APOO: variants seen among roughly 807,000 people sequenced by gnomAD.
APOO encodes the protein apolipoprotein O.
A neutral mutation model predicts 23.1 loss-of-function variants in APOO; 11 were observed. That is an observed-to-expected ratio of 0.48 (90% CI 0.30 to 0.79). The LOEUF (loss-of-function observed/expected upper bound fraction) is 0.79, where lower values mean the gene tolerates loss of function less well. APOO is among the 30% of genes least tolerant of loss of function. The pLI is 0.07. For synonymous variants in APOO, 59 were observed against 54.8 expected (o/e 1.08, Z -0.34); for missense variants, 160 against 142.7 (o/e 1.12, Z -0.62).
At chrX:23,835,090 T>C (rs1488243858) in intron 8 of APOO, among the ~76,000 whole-genome samples, 2 of 104,489 alleles carry the variant, frequency 1.9e-5, no homozygotes, top group African/African-American at 7.1e-5. Flanking sequence ...AGACGGAGTT[T>C]CACTCTTGTT....
At chrX:23,904,260 G>A (rs1364512809) in intron 1 of APOO, among the ~76,000 whole-genome samples, 4 of 111,025 alleles carry the variant, frequency 3.6e-5, no homozygotes. Context: ...ACCCTGGGTT[G>A]ATCCTGTTTA....
chrX:23,853,941 T>C (rs1924665937), intron 7 of APOO, among the ~76,000 whole-genome samples: 1 of 111,128 alleles, frequency 9.0e-6, no homozygotes, highest in South Asian at 3.7e-4. Flanking sequence ...GGCCCTGATT[T>C]TATTACCTTC....
intron 1 of APOO, among the ~76,000 whole-genome samples, chrX:23,895,972 T>C: frequency 9.2e-6 from 1 of 108,464 alleles, no homozygotes; most frequent in Non-Finnish European, 1.9e-5. Context: ...CAGAACGGAG[T>C]CTAAAAAGAT....
At chrX:23,869,197 CTG>C (rs1925487647) in intron 4 of APOO, among the ~76,000 whole-genome samples, 1 of 110,679 alleles carries the variant, frequency 9.0e-6, no homozygotes, top group East Asian at 2.8e-4. Flanking sequence ...GTGTGAGCCA[CTG>C]CGCCCGGCTG....
Position 23,880,924 on chromosome X carries a change from C to G in APOO, c.38G>C (p.Ser13Thr). 1 of 1,188,105 alleles carries G rather than the reference C, an allele frequency of 8.4e-7. No homozygotes were observed. Among genetic ancestry groups the G allele is most frequent in the Non-Finnish European group, 1.1e-6 (1 of 885,206 alleles). ...GACTTTGAAGGTGAGCAAGCTCAGG[C>G]TGGCTGGCCCCACGGACCTCTGAAT... is the stretch of plus-strand genomic sequence containing the variant. ...KVIQRSVGPA[S>T]LSLLTFKVYA... Residue 13 changes from serine to threonine, a missense_variant, in exon 2 of 9, where the codon AGC (serine) becomes ACC (threonine). Transcript: ENST00000379226.
intron 1 of APOO, among the ~76,000 whole-genome samples, chrX:23,891,201 A>G: frequency 9.1e-6 from 1 of 110,364 alleles, no homozygotes; most frequent in African/African-American, 3.3e-5. Context: ...TTCTCACTCC[A>G]GGGCAATTTC....
intron 1 of APOO, among the ~76,000 whole-genome samples, chrX:23,900,022 T>C (rs1330772213): frequency 2.7e-5 from 3 of 112,553 alleles, no homozygotes; most frequent in Non-Finnish European, 5.6e-5. Context: ...GTTTTACTTC[T>C]TCTTTCTCCT....
chrX:23,903,232 G>T (rs1457767483), intron 1 of APOO, among the ~76,000 whole-genome samples: 1 of 110,829 alleles, frequency 9.0e-6, no homozygotes, highest in African/African-American at 3.3e-5. Flanking sequence ...AGCTGGGCAT[G>T]GTGGCGCGCA....
intron 1 of APOO, among the ~76,000 whole-genome samples, chrX:23,881,421 G>A (rs1332108631): frequency 1.9e-5 from 2 of 107,003 alleles, no homozygotes; most frequent in Non-Finnish European, 3.8e-5. Flanking sequence ...GGTGGTGTGT[G>A]CCTGTAGTCC....
intron 7 of APOO, among the ~76,000 whole-genome samples, chrX:23,854,996 G>A (rs930032508): frequency 9.2e-6 from 1 of 109,044 alleles, no homozygotes; most frequent in Admixed American, 9.9e-5. Flanking sequence ...AATTCCTTTA[G>A]AAACCACCAG....
intron 4 of APOO, among the ~76,000 whole-genome samples, chrX:23,869,179 G>T (rs1925486506): frequency 9.0e-6 from 1 of 110,661 alleles, no homozygotes; most frequent in Non-Finnish European, 1.9e-5. Flanking sequence ...AAAGTGCTGG[G>T]ATTACAGGTG....
At chrX:23,905,820 A>T (rs1213342250) in intron 1 of APOO, among the ~76,000 whole-genome samples, 1 of 112,722 alleles carries the variant, frequency 8.9e-6, no homozygotes, top group African/African-American at 3.2e-5. Context: ...ATAGTTCTGA[A>T]GTAGTAATGA....
intron 2 of APOO, among the ~76,000 whole-genome samples, chrX:23,879,271 A>G (rs1926003299): frequency 9.0e-6 from 1 of 111,244 alleles, no homozygotes; most frequent in Admixed American, 9.6e-5. Flanking sequence ...CCCAGTCTCT[A>G]CTAAAAATAC....
chrX:23,847,085 A>C (rs1464343366), intron 7 of APOO, among the ~76,000 whole-genome samples: 1 of 111,563 alleles, frequency 9.0e-6, no homozygotes, highest in Non-Finnish European at 1.9e-5. Flanking sequence ...CTGTGAAAAG[A>C]TGCTCAATCA....
intron 4 of APOO, among the ~76,000 whole-genome samples, chrX:23,873,270 T>A (rs1408393012): frequency 9.0e-6 from 1 of 110,979 alleles, no homozygotes; most frequent in African/African-American, 3.3e-5. Context: ...TTTATGAAAT[T>A]AATAAAATTA....
chrX:23,859,839 C>CT lies in APOO; in HGVS notation c.389-1107dup, dbSNP rs768243906. The stretch of plus-strand genomic sequence containing the variant: ...GCACCAAGTGTTTTCAAAAGAACAC[C>CT]TTTTTTTCCCTAAGAGAGCAGAAAA... On this transcript the variant is annotated intron_variant, in intron 5 of 8. Coordinates refer to ENST00000379226, the MANE Select transcript of APOO (RefSeq NM_024122.5). Among the ~76,000 whole-genome samples, 65 of 111,281 alleles carry CT rather than the reference C, an allele frequency of 5.8e-4. 1 individual carries two copies. The highest frequency in any genetic ancestry group is 1.0e-3 in the Non-Finnish European group (54 of 53,016).
At chrX:23,881,294 C>T (rs999632727) in intron 1 of APOO, among the ~76,000 whole-genome samples, 2 of 109,141 alleles carry the variant, frequency 1.8e-5, no homozygotes, top group Non-Finnish European at 3.8e-5. Flanking sequence ...AGGCTGGTCT[C>T]GAACTCCCGA....
intron 8 of APOO, among the ~76,000 whole-genome samples, chrX:23,836,137 C>G (rs1923653677): frequency 8.9e-6 from 1 of 111,947 alleles, no homozygotes; most frequent in Non-Finnish European, 1.9e-5. Flanking sequence ...AGTGCAATTT[C>G]TTTCTTTCTT....
At chrX:23,873,967 A>G (rs1374966342) in intron 4 of APOO, among the ~76,000 whole-genome samples, 1 of 111,794 alleles carries the variant, frequency 8.9e-6, no homozygotes, top group Admixed American at 9.6e-5. Flanking sequence ...AAAAAGTAAG[A>G]ACACTATCAA....
Sources: allele counts gnomAD v4.1 joint callset (sites outside exome capture counted in the v4.1 genomes callset), GRCh38; gene constraint gnomAD v4.1.1; transcripts MANE v1.5; gene names NCBI Gene and HGNC (gene_info 2026-07-23, HGNC 2026-07-21).